EYS: variants seen among roughly 807,000 people sequenced by gnomAD.
The protein encoded by EYS is protein eyes shut homolog.
Under a neutral mutation model 282.1 loss-of-function variants are expected in EYS, and 250 were observed. The ratio of observed to expected loss-of-function variants is 0.89; its 90% confidence interval spans 0.80 to 0.98. The LOEUF is 0.98. EYS is among the 50% of genes least tolerant of loss of function. The pLI, the probability that EYS is intolerant of heterozygous loss-of-function variation, is 0.00. For missense variants in EYS, 4,016 were observed against 3,709.0 expected (o/e 1.08, Z -2.15); for synonymous variants, 1,355 against 1,282.9 (o/e 1.06, Z -1.20).
intron 5 of EYS, among the ~76,000 whole-genome samples, chr6:65,457,138 TTTGTTGTTG>T (rs143012118): frequency 7.9e-5 from 12 of 151,556 alleles, no homozygotes; most frequent in African/African-American, 1.2e-4. Context: ...TTTTCTCTCT[TTTGTTGTTG>T]TTGTTGTTGT....
intron 11 of EYS, among the ~76,000 whole-genome samples, chr6:65,299,410 C>T (rs189726301): frequency 2.6e-5 from 4 of 152,080 alleles, no homozygotes; most frequent in Admixed American, 2.6e-4. Context: ...CCCTGACCCC[C>T]CCCAAAAAAC....
intron 5 of EYS, among the ~76,000 whole-genome samples, chr6:65,483,599 G>A (rs1765678888): frequency 6.6e-6 from 1 of 151,952 alleles, no homozygotes; most frequent in East Asian, 1.9e-4. Context: ...GTTGATCATG[G>A]TAGAAAAATG....
intron 28 of EYS, among the ~76,000 whole-genome samples, chr6:64,406,003 A>G (rs373742434): frequency 1.5e-3 from 235 of 152,324 alleles, no homozygotes; most frequent in African/African-American, 5.3e-3. Context: ...TATAGCCAAG[A>G]CAATGTGAAG....
At chr6:63,836,871 C>A (rs1026106463) in intron 36 of EYS, among the ~76,000 whole-genome samples, 2 of 151,976 alleles carry the variant, frequency 1.3e-5, no homozygotes, top group African/African-American at 4.8e-5. Context: ...AAATCATACA[C>A]CTAATAACTC....
intron 11 of EYS, chr6:65,332,183 G>T: frequency 3.0e-5 from 14 of 474,100 alleles, no homozygotes; most frequent in South Asian, 1.2e-4. Flanking sequence ...TTCTTTATTT[G>T]TTGAGTGTTT....
chr6:65,326,705 C>T (rs980031700), intron 11 of EYS, among the ~76,000 whole-genome samples: 1 of 151,472 alleles, frequency 6.6e-6, no homozygotes, highest in Non-Finnish European at 1.5e-5. Flanking sequence ...CAATTGAAAG[C>T]ATTTAATAAT....
intron 22 of EYS, chr6:64,728,998 A>C (rs1432044155): frequency 6.6e-6 from 1 of 152,558 alleles, no homozygotes; most frequent in Admixed American, 6.5e-5. Flanking sequence ...GTCTCTTTGA[A>C]GTCAAGCTGC....
At chr6:64,107,315 A>ATAT (rs1773063036) in intron 31 of EYS, among the ~76,000 whole-genome samples, 1 of 136,372 alleles carries the variant, frequency 7.3e-6, no homozygotes, top group Non-Finnish European at 1.6e-5. Context: ...ATATATATAT[A>ATAT]AAGGGGAGTT....
At chr6:64,939,541 T>G (rs1769019396) in intron 15 of EYS, among the ~76,000 whole-genome samples, 1 of 152,012 alleles carries the variant, frequency 6.6e-6, no homozygotes, top group Non-Finnish European at 1.5e-5. Flanking sequence ...TCAAATGCGA[T>G]ACTTTTATTT....
chr6:65,281,235 T>G (rs1158995248), intron 12 of EYS, among the ~76,000 whole-genome samples: 1 of 151,954 alleles, frequency 6.6e-6, no homozygotes, highest in African/African-American at 2.4e-5. Context: ...CTATTTTGAG[T>G]ATATTAATTT....
At chr6:65,011,674 G>A (rs779472542) in intron 13 of EYS, among the ~76,000 whole-genome samples, 4 of 152,136 alleles carry the variant, frequency 2.6e-5, no homozygotes, top group African/African-American at 7.2e-5. Context: ...TTCCTAGGCC[G>A]ACTAAGAATC....
intron 31 of EYS, among the ~76,000 whole-genome samples, chr6:64,195,526 C>G (rs1288401182): frequency 6.6e-6 from 1 of 152,210 alleles, no homozygotes; most frequent in Non-Finnish European, 1.5e-5. Flanking sequence ...TGGTTTCAAA[C>G]TCCTGACCTT....
intron 39 of EYS, 22 bp from the exon 40 acceptor site, chr6:63,778,202 T>C: frequency 6.5e-7 from 1 of 1,549,390 alleles, no homozygotes. Context: ...GCAAAAACAC[T>C]TCGTGTTAAC....
At chr6:65,320,149 GA>G (rs201628065) in intron 11 of EYS, among the ~76,000 whole-genome samples, 456 of 148,076 alleles carry the variant, frequency 3.1e-3, no homozygotes, top group African/African-American at 4.0e-3. Context: ...TGCAATGCAG[GA>G]AAAAAAAAAC....
chr6:65,138,460 G>A (rs189306273), intron 12 of EYS, among the ~76,000 whole-genome samples: 5 of 152,022 alleles, frequency 3.3e-5, no homozygotes, highest in Non-Finnish European at 5.9e-5. Context: ...TTGGTTCCAC[G>A]CTGAAATGGA....
intron 19 of EYS, among the ~76,000 whole-genome samples, chr6:64,873,909 G>T (rs1170742369): frequency 6.6e-6 from 1 of 151,714 alleles, no homozygotes; most frequent in African/African-American, 2.4e-5. Context: ...AGAAATATTA[G>T]GGCCAAGATT....
At chr6:63,761,008 CAGTTTT>C (rs1769625457) in intron 41 of EYS, among the ~76,000 whole-genome samples, 1 of 151,156 alleles carries the variant, frequency 6.6e-6, no homozygotes, top group East Asian at 1.9e-4. Context: ...CCATCATAAT[CAGTTTT>C]TATTATTGCT....
intron 29 of EYS, among the ~76,000 whole-genome samples, chr6:64,346,955 A>C (rs1037227397): frequency 1.3e-5 from 2 of 151,420 alleles, no homozygotes; most frequent in Non-Finnish European, 3.0e-5. Context: ...TCTAGCTTTG[A>C]CTACTAAAAA....
At chr6:65,050,844 CAG>C (rs1171213320) in intron 13 of EYS, among the ~76,000 whole-genome samples, 39 of 151,824 alleles carry the variant, frequency 2.6e-4, no homozygotes, top group African/African-American at 8.9e-4. Context: ...GTTCCCATAA[CAG>C]AGTGTCCCTA....
Sources: allele counts gnomAD v4.1 joint callset (sites outside exome capture counted in the v4.1 genomes callset), GRCh38; gene constraint gnomAD v4.1.1; transcripts MANE v1.5; gene names NCBI Gene and HGNC (gene_info 2026-07-23, HGNC 2026-07-21).